USP34: variants seen among roughly 807,000 people sequenced by gnomAD.
USP34 encodes the protein ubiquitin specific peptidase 34, also known as ubiquitin carboxyl-terminal hydrolase 34.
A neutral mutation model predicts 460.3 loss-of-function variants in USP34; 70 were observed. The observed-to-expected ratio is 0.15, with a 90% CI of 0.13 to 0.19. The LOEUF (loss-of-function observed/expected upper bound fraction) is 0.19. USP34 is among the 10% of genes least tolerant of loss of function. The probability of loss-of-function intolerance (pLI) is 1.00; values close to 1 mark genes in which losing one functional copy is unlikely to be tolerated. For synonymous variants in USP34, 1,647 were observed against 1,405.3 expected (o/e 1.17, Z -3.85); for missense variants, 3,985 against 4,236.2 (o/e 0.94, Z 1.65).
At chr2:61,331,200 T>G in intron 20 of USP34, 76 bp downstream of exon 20, 2 of 1,295,940 alleles carry the variant, frequency 1.5e-6, no homozygotes, top group Non-Finnish European at 2.1e-6. Flanking sequence ...TGAAAAAAAG[T>G]TAAAACACTG....
intron 41 of USP34, among the ~76,000 whole-genome samples, chr2:61,271,824 T>C (rs950251361): frequency 6.6e-6 from 1 of 152,198 alleles, no homozygotes; most frequent in South Asian, 2.1e-4. Flanking sequence ...TACCAAATTC[T>C]GCATGAAATT....
rs777927693 is a variant in USP34 at position 61,214,170 on chromosome 2, G to C, written c.8572C>G (p.Leu2858Val). 26 of 1,614,114 alleles carry C rather than the reference G, an allele frequency of 1.6e-5. No individual in the cohort carries two copies. In the East Asian group the frequency reaches 5.8e-4, roughly 36 times the overall value. ...GGAGACTGCTCACAGCAGAGCCTCA[G>C]AATGCCATAGTACGCTGGCAGCATC... ...RGMLPAYYGI[L>V]RLCCEQSPAF... Residue 2858 changes from leucine (L) to valine (V), a missense_variant, in exon 68 of 80, where the codon CTG (leucine) becomes GTG (valine). Around this residue, in one of 14 missense-constraint regions of USP34, gnomAD observed 66 missense variants for 121.2 expected, o/e 0.54. Coordinates refer to ENST00000398571, the MANE Select transcript of USP34 (RefSeq NM_014709.4).
intron 1 of USP34, among the ~76,000 whole-genome samples, chr2:61,424,587 G>T (rs1435747208): frequency 6.6e-6 from 1 of 152,086 alleles, no homozygotes; most frequent in Admixed American, 6.6e-5. Context: ...CATAAAAAAT[G>T]ATCAAGAAAA....
intron 21 of USP34, among the ~76,000 whole-genome samples, chr2:61,322,167 T>C (rs1304614769): frequency 6.6e-6 from 1 of 151,940 alleles, no homozygotes. Flanking sequence ...GAGGTGGAGG[T>C]TGCGGTGAGC....
At chr2:61,289,065 T>A (rs1348173315) in intron 33 of USP34, among the ~76,000 whole-genome samples, 188 bp from the exon 34 acceptor site, 2 of 152,174 alleles carry the variant, frequency 1.3e-5, no homozygotes, top group Non-Finnish European at 2.9e-5. Flanking sequence ...GAAGAAAAAG[T>A]ATCTAGAAAT....
At chr2:61,456,028 G>C (rs566676473) in intron 1 of USP34, among the ~76,000 whole-genome samples, 2 of 152,064 alleles carry the variant, frequency 1.3e-5, no homozygotes, top group Non-Finnish European at 2.9e-5. Flanking sequence ...TTCCTTAAGA[G>C]AAAATACACA....
At chr2:61,399,121 T>A (rs1366949459) in intron 3 of USP34, among the ~76,000 whole-genome samples, 1 of 151,858 alleles carries the variant, frequency 6.6e-6, no homozygotes, top group Non-Finnish European at 1.5e-5. Flanking sequence ...TTGAGAGGCC[T>A]AGGTAGGTGG....
At chr2:61,403,592 T>C (rs145000093) in intron 3 of USP34, among the ~76,000 whole-genome samples, 2 of 152,320 alleles carry the variant, frequency 1.3e-5, no homozygotes, top group Non-Finnish European at 2.9e-5. Context: ...TAAGTTTCTA[T>C]ACTGGAAGAT....
chr2:61,306,744 G>A (rs1690418828), intron 27 of USP34, among the ~76,000 whole-genome samples: 1 of 152,098 alleles, frequency 6.6e-6, no homozygotes, highest in African/African-American at 2.4e-5. Context: ...TCAGAGAAAT[G>A]CAAATCAAAA....
chr2:61,228,908 T>A lies in USP34; in HGVS notation c.7287A>T (p.Glu2429Asp). ...RFVRTLLLIM[E>D]HGVKPHSKHL... is the part of the protein sequence containing the mutation. ...GTTTACTGTGAGGTTTTACACCATG[T>A]TCCATAATTAATAACAGGGTTCTCA... Residue 2429 changes from glutamate to aspartate, a missense_variant, in exon 60 of 80, where the codon GAA (glutamate) becomes GAT (aspartate). Glu to Asp is a conservative substitution (Grantham distance 45). This residue lies in a region of USP34 where 604 missense variants were observed against 684.8 expected (regional missense o/e 0.88). Transcript: ENST00000398571. The A allele has an allele frequency of 1.2e-6, 2 of 1,610,366 alleles. No individual in the cohort carries two copies. The highest frequency in any genetic ancestry group is 1.7e-5 in the Admixed American group (1 of 59,222).
At position 61,470,801 on chromosome 2, in the gene USP34, C is replaced by A; in HGVS notation, c.-109G>T. 2.2e-6 allele frequency: 1 copy of A among 463,926 alleles called. No individual in the cohort carries two copies. The highest frequency in any genetic ancestry group is 3.2e-6 in the Non-Finnish European group (1 of 314,614). The allele number at this position is 463,926 out of a possible 1,614,324, so 28.7% of individuals were successfully genotyped here. ...GGAGGGGGCCGGCCGGCCGGCGGGGCGGGGAGGCGACTAGGGCGGGCGGCG... is the reference window on the plus strand; with the variant it reads ...GGAGGGGGCCGGCCGGCCGGCGGGGAGGGGAGGCGACTAGGGCGGGCGGCG... On this transcript the variant is annotated 5_prime_UTR_variant, in exon 1 of 80. Coordinates refer to ENST00000398571, the MANE Select transcript of USP34 (RefSeq NM_014709.4).
At chr2:61,416,234 A>G (rs1380620062) in intron 2 of USP34, among the ~76,000 whole-genome samples, 2 of 152,270 alleles carry the variant, frequency 1.3e-5, no homozygotes, top group Non-Finnish European at 2.9e-5. Context: ...TAAAGAGTGA[A>G]CCACATACAT....
chr2:61,396,453 AT>A (rs1182251944), intron 3 of USP34, among the ~76,000 whole-genome samples: 1 of 151,880 alleles, frequency 6.6e-6, no homozygotes, highest in Non-Finnish European at 1.5e-5. Context: ...ACATCCATCA[AT>A]TTGATGGCTA....
intron 75 of USP34, among the ~76,000 whole-genome samples, chr2:61,202,269 G>T (rs2103765445): frequency 6.6e-6 from 1 of 152,286 alleles, no homozygotes; most frequent in South Asian, 2.1e-4. Flanking sequence ...GGGGCACAAA[G>T]AAGGACTTGC....
intron 37 of USP34, among the ~76,000 whole-genome samples, chr2:61,281,547 C>T (rs1388418044): frequency 6.6e-6 from 1 of 152,184 alleles, no homozygotes; most frequent in Admixed American, 6.5e-5. Flanking sequence ...GAGGCAGAGT[C>T]TGCAGTGAGC....
chr2:61,326,198 A>G (rs914379478), intron 20 of USP34, among the ~76,000 whole-genome samples: 1 of 151,936 alleles, frequency 6.6e-6, no homozygotes, highest in Non-Finnish European at 1.5e-5. Flanking sequence ...TTGCTTTTTT[A>G]AAAATTTGTG....
chr2:61,302,606 T>C (rs995351645), intron 27 of USP34, among the ~76,000 whole-genome samples: 14 of 152,324 alleles, frequency 9.2e-5, no homozygotes, highest in African/African-American at 3.4e-4. Context: ...ATTTTAAACA[T>C]ATCCTAAATA....
At chr2:61,317,117 C>T (rs1690773584) in intron 23 of USP34, among the ~76,000 whole-genome samples, 1 of 152,154 alleles carries the variant, frequency 6.6e-6, no homozygotes, top group Non-Finnish European at 1.5e-5. Context: ...TCAAAGAACA[C>T]TGACATGGCC....
intron 75 of USP34, among the ~76,000 whole-genome samples, chr2:61,199,791 T>TA (rs1686916589): frequency 6.6e-6 from 1 of 152,228 alleles, no homozygotes; most frequent in Non-Finnish European, 1.5e-5. Flanking sequence ...TACATGGTTT[T>TA]AATCATTATA....
Sources: gnomAD v4.1 joint callset for allele counts (sites outside exome capture counted in the v4.1 genomes callset) on GRCh38, gnomAD v4.1.1 for gene constraint, gnomAD v4.1.1 regional missense constraint, MANE v1.5 for transcripts, NCBI Gene and HGNC (gene_info 2026-07-23, HGNC 2026-07-21) for gene names.